The following TCF12 variants were observed in gnomAD, a reference collection of about 807,000 sequenced individuals.
TCF12 encodes the protein DNA-binding protein HTF4.
In TCF12, 45 loss-of-function variants were observed where a neutral mutation model predicts 86.0. The observed-to-expected ratio is 0.52, with a 90% confidence interval of 0.41 to 0.67. TCF12 has a LOEUF of 0.67. Among genes scored for constraint, TCF12 ranks in the 30% least tolerant of loss-of-function variants. The pLI, the probability that TCF12 is intolerant of heterozygous loss-of-function variation, is 0.00. For missense variants in TCF12, 881 were observed against 859.9 expected (o/e 1.02, Z -0.31); for synonymous variants, 330 against 299.6 (o/e 1.10, Z -1.05).
chr15:57,038,044 T>C (rs1304135657), intron 3 of TCF12, among the ~76,000 whole-genome samples: 2 of 152,012 alleles, frequency 1.3e-5, no homozygotes, highest in Admixed American at 1.3e-4. Context: ...AAAAACAAAA[T>C]TAAGTGGAAA....
chr15:57,113,289 G>C (rs563517095), intron 5 of TCF12, among the ~76,000 whole-genome samples: 1 of 152,312 alleles, frequency 6.6e-6, no homozygotes, highest in South Asian at 2.1e-4. Context: ...TTCGGAAATA[G>C]ACATTCACTG....
chr15:56,963,304 A>G (rs1360991916), intron 3 of TCF12, among the ~76,000 whole-genome samples: 6 of 152,184 alleles, frequency 3.9e-5, no homozygotes, highest in Admixed American at 3.9e-4. Flanking sequence ...TTACATCTGG[A>G]AACACACCCT....
intron 9 of TCF12, among the ~76,000 whole-genome samples, chr15:57,231,833 G>T (rs1219371068): frequency 2.6e-5 from 4 of 152,118 alleles, no homozygotes; most frequent in Non-Finnish European, 5.9e-5. Context: ...TCATTTGAAA[G>T]CTAACTATAA....
intron 8 of TCF12, among the ~76,000 whole-genome samples, chr15:57,219,761 T>C (rs1366342234): frequency 2.9e-5 from 4 of 140,318 alleles, no homozygotes; most frequent in Non-Finnish European, 4.6e-5. Context: ...AGTCTTGCCC[T>C]GTCACCCAGG....
chr15:57,092,580 G>A (rs1243704163), intron 5 of TCF12, among the ~76,000 whole-genome samples: 1 of 151,834 alleles, frequency 6.6e-6, no homozygotes, highest in Non-Finnish European at 1.5e-5. Flanking sequence ...ATAAACCCAA[G>A]CTTGTTTTTT....
chr15:57,151,029 GGTGCA>G (rs2053714151), intron 5 of TCF12, among the ~76,000 whole-genome samples: 1 of 151,028 alleles, frequency 6.6e-6, no homozygotes, highest in African/African-American at 2.4e-5. Flanking sequence ...CACAGGCTAG[GGTGCA>G]GTGGAGCGAT....
chr15:56,938,555 T>C (rs1308859918), intron 3 of TCF12, among the ~76,000 whole-genome samples: 1 of 152,158 alleles, frequency 6.6e-6, no homozygotes, highest in Non-Finnish European at 1.5e-5. Context: ...TCTTTCTCTG[T>C]CTTATGGAAT....
At position 57,007,792 on chromosome 15, in the gene TCF12, C is replaced by CTCTT. The variant is rs562497424; in HGVS notation, c.149-55932_149-55929dup. Among the ~76,000 whole-genome samples, 294 of 52,590 alleles carry CTCTT rather than the reference C, an allele frequency of 5.6e-3. 1 individual carries two copies. Among genetic ancestry groups the CTCTT allele is most frequent in the African/African-American group, 0.011 (207 of 19,232 alleles). The allele number at this position is 52,590 out of a possible 152,430, so 34.5% of individuals were successfully genotyped here. On this transcript the variant is annotated intron_variant, in intron 3 of 20. Transcript: ENST00000333725. ...TTTCTTTCTTTCTTTCTTTCTTTCT[C>CTCTT]TCTTTCTTTCTTTCTTTCTTTCTTT...
intron 3 of TCF12, among the ~76,000 whole-genome samples, chr15:56,972,983 C>T (rs1420757887): frequency 6.6e-6 from 1 of 152,026 alleles, no homozygotes; most frequent in Admixed American, 6.6e-5. Flanking sequence ...TATGGGCTAG[C>T]AAACCAAAAC....
At chr15:57,061,768 T>C (rs1270335912) in intron 3 of TCF12, among the ~76,000 whole-genome samples, 1 of 152,232 alleles carries the variant, frequency 6.6e-6, no homozygotes, top group Non-Finnish European at 1.5e-5. Flanking sequence ...AGTGATTTTT[T>C]AAAATACAAC....
chr15:57,273,060 T>C lies in TCF12; in HGVS notation c.1776T>C (p.Pro592=). The change falls in exon 19 of 21, where the codon CCT becomes CCC. Residue 592 remains proline, a synonymous_variant. Transcript: ENST00000333725. ...CTAATGAAGATGAGGATTTGAACCC[T>C]GAACAGAAGATAGAAAGGGAGAAGG... ...SSTNEDEDLN[P]EQKIEREKER... 6.2e-7 allele frequency: 1 copy of C among 1,614,202 alleles called. No homozygotes were observed. Among genetic ancestry groups the C allele is most frequent in the Non-Finnish European group, 8.5e-7 (1 of 1,180,024 alleles).
rs71113049 is a variant in TCF12 at position 56,998,457 on chromosome 15, CAAAAAAA to C, written c.149-65279_149-65273del. 8.1e-5 allele frequency among the ~76,000 whole-genome samples: 9 copies of C among 110,660 alleles called. No individual in the cohort carries two copies. In the South Asian group the frequency reaches 2.4e-3, roughly 30 times the overall value. 72.6% of individuals were successfully genotyped at this position (110,660 alleles called of 152,430 possible). ...TGGTGACAGGGGTGAAACTCTGTCTCAAAAAAAAAAAAAAAAAAAATGCTTGAAGGAG... is the reference window on the plus strand; with the variant it reads ...TGGTGACAGGGGTGAAACTCTGTCTCAAAAAAAAAAAAATGCTTGAAGGAG... On this transcript the variant is annotated intron_variant, in intron 3 of 20. Transcript: ENST00000333725.
chr15:57,216,338 T>C (rs1199232961), intron 8 of TCF12, among the ~76,000 whole-genome samples: 1 of 152,108 alleles, frequency 6.6e-6, no homozygotes, highest in African/African-American at 2.4e-5. Flanking sequence ...TTTTATATTG[T>C]TGAACTAGGT....
At chr15:56,930,405 C>T (rs571691606) in intron 3 of TCF12, among the ~76,000 whole-genome samples, 1 of 152,330 alleles carries the variant, frequency 6.6e-6, no homozygotes, top group South Asian at 2.1e-4. Context: ...AGTTCTCCTG[C>T]AGGATCCTTT....
chr15:57,050,241 G>A (rs148208301), intron 3 of TCF12, among the ~76,000 whole-genome samples: 2 of 152,036 alleles, frequency 1.3e-5, no homozygotes, highest in African/African-American at 4.8e-5. Flanking sequence ...TCACATATTT[G>A]CCATCTGTAT....
At chr15:57,194,449 G>A (rs780941303) in intron 7 of TCF12, among the ~76,000 whole-genome samples, 1 of 152,264 alleles carries the variant, frequency 6.6e-6, no homozygotes, top group Admixed American at 6.5e-5. Context: ...ATGTCATTTA[G>A]TGGGTTCTTA....
At chr15:57,034,789 C>T (rs11854006) in intron 3 of TCF12, among the ~76,000 whole-genome samples, 1 of 152,042 alleles carries the variant, frequency 6.6e-6, no homozygotes, top group East Asian at 1.9e-4. Context: ...AAACCCAGAA[C>T]TAGGACACTG....
intron 5 of TCF12, among the ~76,000 whole-genome samples, chr15:57,092,852 C>A (rs775193424): frequency 6.6e-6 from 1 of 152,260 alleles, no homozygotes. Context: ...ATCTTAGAAT[C>A]GTCCTTTTAA....
At chr15:57,202,386 CCA>C (rs1441121480) in intron 8 of TCF12, among the ~76,000 whole-genome samples, 1 of 151,558 alleles carries the variant, frequency 6.6e-6, no homozygotes, top group Non-Finnish European at 1.5e-5. Context: ...TAGTAGAAAA[CCA>C]CAGACTTCCC....
Sources: gnomAD v4.1 joint callset for allele counts (sites outside exome capture counted in the v4.1 genomes callset) on GRCh38, gnomAD v4.1.1 for gene constraint, MANE v1.5 for transcripts, NCBI Gene and HGNC (gene_info 2026-07-23, HGNC 2026-07-21) for gene names.